The following KL variants were observed in gnomAD, a reference collection of about 807,000 sequenced individuals.
KL encodes klotho.
Under a neutral mutation model 84.2 loss-of-function variants are expected in KL, and 62 were observed. The ratio of observed to expected loss-of-function variants is 0.74; its 90% CI spans 0.60 to 0.91. The LOEUF is 0.91. KL is among the 40% of genes least tolerant of loss of function. The probability of loss-of-function intolerance (pLI) is 0.00; values close to 1 mark genes in which losing one functional copy is unlikely to be tolerated. For synonymous variants in KL, 528 were observed against 528.0 expected (o/e 1.00, Z 0.00); for missense variants, 1,261 against 1,305.7 (o/e 0.97, Z 0.53).
intron 1 of KL, among the ~76,000 whole-genome samples, chr13:33,028,579 G>A (rs1870861825): frequency 6.6e-6 from 1 of 152,100 alleles, no homozygotes; most frequent in Admixed American, 6.5e-5. Flanking sequence ...GTGCAGAATG[G>A]GGGAGATTCC....
chr13:33,064,859 G>A lies in KL; in HGVS notation c.*673G>A, dbSNP rs1872348805. ...CCTGTCTAAACCCTGTGTCCCTGAG[G>A]GATCTGTCTCACTGGCATCTTGTTG... is the stretch of plus-strand genomic sequence containing the variant. On this transcript the variant is annotated 3_prime_UTR_variant, in exon 5 of 5. Transcript: ENST00000380099. 4.4e-6 allele frequency: 1 copy of A among 228,260 alleles called. No individual in the cohort carries two copies. The highest frequency in any genetic ancestry group is 2.2e-5 in the African/African-American group (1 of 45,032). 14.1% of individuals were successfully genotyped at this position (228,260 alleles called of 1,614,324 possible).
intron 1 of KL, among the ~76,000 whole-genome samples, chr13:33,028,475 A>C (rs1000270712): frequency 1.3e-5 from 2 of 152,206 alleles, no homozygotes; most frequent in Non-Finnish European, 2.9e-5. Flanking sequence ...AAGGAGGAAG[A>C]CATGGGATCT....
In KL at chr13:33,061,289, C is replaced by T. The variant is rs1431542280; in HGVS notation, c.2210C>T (p.Pro737Leu). ...GCCTTGCAGGCTGATTGGATAGAACCTGCCTGCCCTTTCTCCCAAAAGGAC... is the reference window on the plus strand; with the variant it reads ...GCCTTGCAGGCTGATTGGATAGAACTTGCCTGCCCTTTCTCCCAAAAGGAC... ...SIALQADWIE[P>L]ACPFSQKDKE... Residue 737 changes from proline (P) to leucine (L), a missense_variant, in exon 4 of 5, where the codon CCT becomes CTT. Transcript: ENST00000380099. 1.2e-6 allele frequency: 2 copies of T among 1,614,084 alleles called. No individual in the cohort carries two copies. Among genetic ancestry groups the T allele is most frequent in the Non-Finnish European group, 1.7e-6 (2 of 1,180,058 alleles).
rs1460203170 is a variant in KL at position 33,060,929 on chromosome 13, AG to A, written c.1851del (p.Gln617HisfsTer69). 1 of 1,613,634 alleles carries A rather than the reference AG, an allele frequency of 6.2e-7. No homozygotes were observed. Among genetic ancestry groups the A allele is most frequent in the East Asian group, 2.2e-5 (1 of 44,870 alleles). ...NQSQVNHTIL[Q>X]YYRCMASELV... ...TCCCAGGTGAACCACACCATCCTGC[AG>A]TACTATCGCTGCATGGCCAGCGAGC... is the stretch of plus-strand genomic sequence containing the variant. On this transcript the variant is annotated frameshift_variant, in exon 4 of 5. Coordinates refer to ENST00000380099, the MANE Select transcript of KL (RefSeq NM_004795.4). LOFTEE classifies it high-confidence loss of function.
chr13:33,045,504 C>T (rs766239387), intron 1 of KL, among the ~76,000 whole-genome samples: 18 of 152,024 alleles, frequency 1.2e-4, no homozygotes, highest in African/African-American at 4.1e-4. Flanking sequence ...TTGTTTGAGA[C>T]GGAGTTTCTC....
intron 1 of KL, among the ~76,000 whole-genome samples, chr13:33,024,148 C>A (rs186513754): frequency 9.5e-4 from 129 of 135,132 alleles, no homozygotes; most frequent in Non-Finnish European, 1.5e-3. Context: ...ACATCTTTCA[C>A]ATATTTGAAA....
chr13:33,035,725 A>G (rs1413379054), intron 1 of KL, among the ~76,000 whole-genome samples: 1 of 152,224 alleles, frequency 6.6e-6, no homozygotes, highest in Admixed American at 6.5e-5. Flanking sequence ...TCTGTGATTA[A>G]TGGGTTAGAT....
rs374483654 is a variant in KL at position 33,061,683 on chromosome 13, G to A, written c.2604G>A (p.Met868Ile). ...AGTTCAAGTACGGAGACCTCCCCAT[G>A]TACATAATATCCAATGGAATCGATG... ...WLKFKYGDLPMYIISNGIDDG... is the reference protein window; with the variant it reads ...WLKFKYGDLPIYIISNGIDDG... Residue 868 changes from methionine to isoleucine, a missense_variant, in exon 4 of 5, where the codon ATG (methionine) becomes ATA (isoleucine). Physicochemically the swap from Met to Ile is conservative, Grantham distance 10. Coordinates refer to ENST00000380099, the MANE Select transcript of KL (RefSeq NM_004795.4). 3.1e-6 allele frequency: 5 copies of A among 1,613,972 alleles called. No individual in the cohort carries two copies. In the South Asian group the frequency reaches 4.4e-5, roughly 14 times the overall value.
chr13:33,053,305 C>T (rs1055435446), intron 1 of KL, among the ~76,000 whole-genome samples: 18 of 152,220 alleles, frequency 1.2e-4, no homozygotes, highest in Admixed American at 3.9e-4. Flanking sequence ...TAAATTAACT[C>T]CAACGACCTG....
chr13:33,060,922 A>T lies in KL; in HGVS notation c.1843A>T (p.Ile615Phe). 6.2e-7 allele frequency: 1 copy of T among 1,613,934 alleles called. No individual in the cohort carries two copies. Among genetic ancestry groups the T allele is most frequent in the Non-Finnish European group, 8.5e-7 (1 of 1,179,844 alleles). The part of the protein sequence containing the change: ...LGNQSQVNHT[I>F]LQYYRCMASE... ...TAACCAGTCCCAGGTGAACCACACC[A>T]TCCTGCAGTACTATCGCTGCATGGC... is the stretch of plus-strand genomic sequence containing the variant. The change falls in exon 4 of 5, where the codon ATC becomes TTC. Residue 615 changes from isoleucine (I) to phenylalanine (F), a missense_variant. By Grantham distance (21) the Ile-to-Phe change is conservative (BLOSUM62 0). Transcript: ENST00000380099.
intron 1 of KL, among the ~76,000 whole-genome samples, chr13:33,031,192 A>G (rs1231079428): frequency 1.3e-5 from 2 of 152,224 alleles, no homozygotes; most frequent in African/African-American, 4.8e-5. Flanking sequence ...AAGCTAATGG[A>G]AGATATGCAC....
chr13:33,032,135 A>G (rs980726143), intron 1 of KL, among the ~76,000 whole-genome samples: 5 of 152,156 alleles, frequency 3.3e-5, no homozygotes, highest in Non-Finnish European at 5.9e-5. Context: ...CCTCGTCCAC[A>G]TCAGCATCTG....
intron 4 of KL, among the ~76,000 whole-genome samples, chr13:33,062,052 C>G (rs1872229377): frequency 6.6e-6 from 1 of 152,200 alleles, no homozygotes; most frequent in South Asian, 2.1e-4. Flanking sequence ...CCACAGCAGT[C>G]TTAACTGTTT....
rs934153273 is a variant in KL, at chr13:33,016,455, C to G, written c.15C>G (p.Ala5=). Residue 5 remains alanine (A), a synonymous_variant, in exon 1 of 5, where the codon GCC becomes GCG. Coordinates refer to ENST00000380099, the MANE Select transcript of KL (RefSeq NM_004795.4). MPAS[A]PPRRPRPPPP... ...TCCCGCGCAGCATGCCCGCCAGCGC[C>G]CCGCCGCGCCGCCCGCGGCCGCCGC... 1 of 964,248 alleles carries G rather than the reference C, an allele frequency of 1.0e-6. No individual in the cohort carries two copies. The highest frequency in any genetic ancestry group is 4.6e-5 in the South Asian group (1 of 21,648). 59.7% of individuals were successfully genotyped at this position (964,248 alleles called of 1,614,324 possible). A position where few individuals can be genotyped will look rare whatever the true frequency, so the allele number is the denominator to read the frequency against.
At position 33,061,018 on chromosome 13, in the gene KL, C is replaced by T. The variant is rs756938387; in HGVS notation, c.1939C>T (p.Leu647=). 1.2e-6 allele frequency: 2 copies of T among 1,612,604 alleles called. No homozygotes were observed. The highest frequency in any genetic ancestry group is 1.3e-5 in the African/African-American group (1 of 75,044). The change falls in exon 4 of 5, where the codon CTG becomes TTG. Residue 647 remains leucine (L), a synonymous_variant. Coordinates refer to ENST00000380099, the MANE Select transcript of KL (RefSeq NM_004795.4). The part of the protein sequence containing the change: ...LWQPMAPNQG[L]PRLLARQGAW... The stretch of plus-strand genomic sequence containing the variant: ...GCAGCCTATGGCCCCGAACCAAGGA[C>T]TGCCGCGCCTCCTGGCCAGGCAGGG...
chr13:33,061,047 C>T lies in KL; in HGVS notation c.1968C>T (p.Ala656=), dbSNP rs1218739694. Residue 656 remains alanine, a synonymous_variant, in exon 4 of 5, where the codon GCC becomes GCT. Transcript: ENST00000380099. ...GLPRLLARQG[A]WENPYTALAF... ...CGCGCCTCCTGGCCAGGCAGGGCGC[C>T]TGGGAGAACCCCTACACTGCCCTGG... 5 of 1,611,830 alleles carry T rather than the reference C, an allele frequency of 3.1e-6. No individual in the cohort carries two copies. The African/African-American group carries it at 6.7e-5, about 22-fold the overall frequency.
chr13:33,050,625 C>T (rs1871707305), intron 1 of KL, among the ~76,000 whole-genome samples: 1 of 152,158 alleles, frequency 6.6e-6, no homozygotes, highest in Non-Finnish European at 1.5e-5. Flanking sequence ...GCATGCAGCA[C>T]AGTATGGGGG....
At chr13:33,025,969 T>C (rs1184651444) in intron 1 of KL, among the ~76,000 whole-genome samples, 1 of 152,260 alleles carries the variant, frequency 6.6e-6, no homozygotes, top group Non-Finnish European at 1.5e-5. Flanking sequence ...TCTTTAAAAC[T>C]GGACATCAGC....
At position 33,063,833 on chromosome 13, in the gene KL, C is replaced by A; in HGVS notation, c.2702-16C>A. On this transcript the variant is annotated splice_polypyrimidine_tract_variant and intron_variant, in intron 4 of 4. Coordinates refer to ENST00000380099, the MANE Select transcript of KL (RefSeq NM_004795.4). ...AAATACGTAATAACTACTCTCCTAT[C>A]CTTTTGTTTTTCCAGCCCACATACT... 1 of 1,608,914 alleles carries A rather than the reference C, an allele frequency of 6.2e-7. No individual in the cohort carries two copies. The highest frequency in any genetic ancestry group is 8.5e-7 in the Non-Finnish European group (1 of 1,175,472).
Sources: gnomAD v4.1 joint callset for allele counts (sites outside exome capture counted in the v4.1 genomes callset) on GRCh38, gnomAD v4.1.1 for gene constraint, MANE v1.5 for transcripts, NCBI Gene and HGNC (gene_info 2026-07-23, HGNC 2026-07-21) for gene names.